GRK5: variants seen among roughly 807,000 people sequenced by gnomAD.
GRK5 encodes G protein-coupled receptor kinase 5.
In GRK5, 40 loss-of-function variants were observed where a neutral mutation model predicts 78.4. The ratio of observed to expected loss-of-function variants is 0.51; its 90% CI spans 0.40 to 0.66. GRK5 has a LOEUF of 0.66. Among genes scored for constraint, GRK5 ranks in the 30% least tolerant of loss-of-function variants. The pLI is 0.00. For missense variants in GRK5, 598 were observed against 759.9 expected (o/e 0.79, Z 2.50); for synonymous variants, 289 against 296.8 (o/e 0.97, Z 0.27).
chr10:119,413,428 C>T lies in GRK5; in HGVS notation c.340-9738C>T, dbSNP rs925530950. ...ACAGGCGCGTGCACACACACACACA[C>T]TTATCCAACAAGCATATTGAGCACC... On this transcript the variant is annotated intron_variant, in intron 4 of 15. Transcript: ENST00000392870. Among the ~76,000 whole-genome samples the T allele has an allele frequency of 4.0e-5, 6 of 151,698 alleles. No individual in the cohort carries two copies. In the East Asian group the frequency reaches 1.2e-3, roughly 29 times the overall value.
intron 1 of GRK5, among the ~76,000 whole-genome samples, chr10:119,273,450 A>G (rs1427594650): frequency 6.6e-6 from 1 of 152,190 alleles, no homozygotes; most frequent in Non-Finnish European, 1.5e-5. Flanking sequence ...CATATTCTAC[A>G]TAAACTCATC....
intron 1 of GRK5, among the ~76,000 whole-genome samples, chr10:119,244,451 A>G (rs1216261926): frequency 6.6e-6 from 1 of 152,286 alleles, no homozygotes; most frequent in Non-Finnish European, 1.5e-5. Flanking sequence ...TTCTCCAAAG[A>G]AGGTATACAA....
At chr10:119,428,747 T>A (rs1395372878) in intron 6 of GRK5, among the ~76,000 whole-genome samples, 1 of 152,150 alleles carries the variant, frequency 6.6e-6, no homozygotes, top group African/African-American at 2.4e-5. Flanking sequence ...GGCATTAAGT[T>A]TTTGGAGCCT....
At chr10:119,426,770 G>C (rs1012246734) in intron 6 of GRK5, among the ~76,000 whole-genome samples, 1 of 150,534 alleles carries the variant, frequency 6.6e-6, no homozygotes, top group African/African-American at 2.4e-5. Context: ...ATCATCATCA[G>C]TATACCGCCA....
At chr10:119,326,127 C>T (rs1850673163) in intron 1 of GRK5, among the ~76,000 whole-genome samples, 1 of 152,252 alleles carries the variant, frequency 6.6e-6, no homozygotes. Context: ...GCCATGGGCA[C>T]CTGCCTGTGC....
chr10:119,285,252 C>T (rs981366227), intron 1 of GRK5, among the ~76,000 whole-genome samples: 5 of 152,126 alleles, frequency 3.3e-5, no homozygotes, highest in African/African-American at 1.2e-4. Flanking sequence ...TAAGGGACTC[C>T]TGTTTTCTCA....
rs1052988199 is a variant in GRK5, at chr10:119,290,239, C to T, written c.53-36277C>T. On this transcript the variant is annotated intron_variant, in intron 1 of 15. Transcript: ENST00000392870. Reference sequence around the variant, plus strand: ...GCGGGTGCCTGTAGTCCCGGTGACTCGAGAGGCTGAGGCAGGAGAATCGCT... The same window carrying T: ...GCGGGTGCCTGTAGTCCCGGTGACTTGAGAGGCTGAGGCAGGAGAATCGCT... Among the ~76,000 whole-genome samples the T allele has an allele frequency of 4.7e-5, 7 of 149,870 alleles. No individual in the cohort carries two copies. The East Asian group carries it at 9.9e-4, about 21-fold the overall frequency.
intron 1 of GRK5, among the ~76,000 whole-genome samples, chr10:119,292,614 T>A (rs772193848): frequency 6.6e-6 from 1 of 152,232 alleles, no homozygotes; most frequent in Non-Finnish European, 1.5e-5. Flanking sequence ...TCATAGTTTT[T>A]CCTAGGTGTC....
chr10:119,225,325 G>A lies in GRK5; in HGVS notation c.52+17356G>A, dbSNP rs144785473. On this transcript the variant is annotated intron_variant, in intron 1 of 15. Transcript: ENST00000392870. The stretch of plus-strand genomic sequence containing the variant: ...GTACTTCATCTGGCCAAAGAAAACA[G>A]TAAGTAAATATTGTTGAGAAAATGT... Among the ~76,000 whole-genome samples, 657 of 152,330 alleles carry A rather than the reference G, an allele frequency of 4.3e-3. 2 individuals carry two copies. The highest frequency in any genetic ancestry group is 6.3e-3 in the Admixed American group (97 of 15,310).
rs559030332 is a variant in GRK5, at chr10:119,378,586, G to A, written c.149-2229G>A. The stretch of plus-strand genomic sequence containing the variant: ...AGGCAGACAGCGGAGTGCTGAGGCC[G>A]TGTCCCCGTGTGGTGAATAAATGCC... On this transcript the variant is annotated intron_variant, in intron 2 of 15. Transcript: ENST00000392870. This position sits in a 1 kb window ranked among gnomAD's most constrained non-coding sequence, Gnocchi z 4.5. Among the ~76,000 whole-genome samples, 2 of 152,364 alleles carry A rather than the reference G, an allele frequency of 1.3e-5. No homozygotes were observed. Among genetic ancestry groups the A allele is most frequent in the Admixed American group, 6.5e-5 (1 of 15,312 alleles).
intron 2 of GRK5, among the ~76,000 whole-genome samples, chr10:119,341,470 C>T (rs1850979516): frequency 6.6e-6 from 1 of 152,228 alleles, no homozygotes; most frequent in Admixed American, 6.5e-5. Context: ...CTGCTGGATA[C>T]ACTTCCCTAA....
chr10:119,326,161 A>G (rs936237487), intron 1 of GRK5, among the ~76,000 whole-genome samples: 1 of 152,252 alleles, frequency 6.6e-6, no homozygotes, highest in Non-Finnish European at 1.5e-5. Context: ...GGATGCCCCA[A>G]GCTAAAGGGG....
At chr10:119,343,095 T>C (rs1226341106) in intron 2 of GRK5, among the ~76,000 whole-genome samples, 6 of 152,172 alleles carry the variant, frequency 3.9e-5, no homozygotes, top group African/African-American at 1.4e-4. Context: ...AAGCTGTCTC[T>C]AGTTGGGAAG....
Position 119,269,101 on chromosome 10 carries a change from A to G in GRK5, c.53-57415A>G, listed in dbSNP as rs1849546965. 2.0e-5 allele frequency among the ~76,000 whole-genome samples: 3 copies of G among 152,202 alleles called. No homozygotes were observed. The South Asian group carries it at 6.2e-4, about 31-fold the overall frequency. ...GACTGGAACTCTCTTACCTCATTCT[A>G]GACTCTTCCAGGCAGCTTTCTGTTT... On this transcript the variant is annotated intron_variant, in intron 1 of 15. Transcript: ENST00000392870.
chr10:119,331,364 C>T (rs577498394), intron 2 of GRK5, among the ~76,000 whole-genome samples: 28 of 152,368 alleles, frequency 1.8e-4, no homozygotes, highest in East Asian at 7.7e-4. Context: ...CTCGTGGCCA[C>T]GGGGCCAGGG....
At chr10:119,250,220 G>C (rs1253443955) in intron 1 of GRK5, among the ~76,000 whole-genome samples, 1 of 152,142 alleles carries the variant, frequency 6.6e-6, no homozygotes, top group Non-Finnish European at 1.5e-5. Context: ...TCATTTTACA[G>C]ATGAAGAAAC....
At chr10:119,216,640 T>A (rs1848578698) in intron 1 of GRK5, among the ~76,000 whole-genome samples, 1 of 151,058 alleles carries the variant, frequency 6.6e-6, no homozygotes. Flanking sequence ...AAGACCCCTA[T>A]CTCTACAAAA....
intron 1 of GRK5, among the ~76,000 whole-genome samples, chr10:119,290,183 C>T (rs934209027): frequency 2.0e-4 from 31 of 151,854 alleles, no homozygotes; most frequent in African/African-American, 7.5e-4. Context: ...CCTGTCTCTA[C>T]TAAAAATACA....
chr10:119,265,845 G>A (rs561844850), intron 1 of GRK5, among the ~76,000 whole-genome samples: 11 of 152,330 alleles, frequency 7.2e-5, no homozygotes, highest in East Asian at 3.9e-4. Context: ...CCTCTCAGCC[G>A]CACTCAATGC....
Sources: allele counts gnomAD v4.1 joint callset (sites outside exome capture counted in the v4.1 genomes callset), GRCh38; gene constraint gnomAD v4.1.1; non-coding constraint Gnocchi (gnomAD v3.1); transcripts MANE v1.5; gene names NCBI Gene and HGNC (gene_info 2026-07-23, HGNC 2026-07-21).